Variants in NRP2 observed in about 807,000 individuals in gnomAD.
NRP2 encodes the protein neuropilin-2.
A neutral mutation model predicts 110.4 loss-of-function variants in NRP2; 52 were observed. The observed-to-expected ratio is 0.47, with a 90% CI of 0.38 to 0.59. The LOEUF is 0.59. Among genes scored for constraint, NRP2 ranks in the 20% least tolerant of loss-of-function variants. The pLI is 0.00. For synonymous variants in NRP2, 508 were observed against 468.9 expected (o/e 1.08, Z -1.08); for missense variants, 1,049 against 1,203.0 (o/e 0.87, Z 1.89).
intron 16 of NRP2, among the ~76,000 whole-genome samples, chr2:205,792,796 T>C (rs1484913366): frequency 6.6e-6 from 1 of 152,164 alleles, no homozygotes; most frequent in Admixed American, 6.5e-5. Context: ...ATCTTTATAT[T>C]TATTCCAAGT....
At position 205,765,509 on chromosome 2, in the gene NRP2, C is replaced by A. The variant is rs758235220; in HGVS notation, c.2343C>A (p.Ser781=). The change falls in exon 14 of 17, where the codon TCC becomes TCA. Residue 781 remains serine (S), a synonymous_variant. Coordinates refer to ENST00000357785, the MANE Select transcript of NRP2 (RefSeq NM_003872.3). ...VFEGVIGKGR[S]GEIAIDDIRI... ...AGGGAGTGATAGGGAAAGGACGTTC[C>A]GGAGAGATTGCCATTGATGACATTC... 4 of 1,613,904 alleles carry A rather than the reference C, an allele frequency of 2.5e-6. No homozygotes were observed. The East Asian group carries it at 8.9e-5, about 36-fold the overall frequency.
In NRP2 at chr2:205,777,164, C is replaced by A. The variant is rs185602153; in HGVS notation, c.2425+10361C>A. 8.6e-5 allele frequency: 85 copies of A among 986,414 alleles called. 2 individuals are homozygous for A. The Admixed American group carries it at 5.1e-3, about 59-fold the overall frequency. The allele number at this position is 986,414 out of a possible 1,614,324, so 61.1% of individuals were successfully genotyped here. On this transcript the variant is annotated intron_variant, in intron 15 of 16. Transcript: ENST00000357785. ...TTTTTGTTGCCTTATCTAGCTCTGG[C>A]TGGGTTTCTGTTGGCTGTCATTGTC...
intron 15 of NRP2, among the ~76,000 whole-genome samples, chr2:205,784,651 G>C (rs1575680026): frequency 6.6e-6 from 1 of 152,176 alleles, no homozygotes; most frequent in Non-Finnish European, 1.5e-5. Context: ...GATGTGGCTA[G>C]GGTCTCCACC....
chr2:205,703,612 G>A (rs1209772809), intron 2 of NRP2, among the ~76,000 whole-genome samples: 2 of 152,176 alleles, frequency 1.3e-5, no homozygotes, highest in Admixed American at 1.3e-4. Flanking sequence ...CCTGTTACGT[G>A]GGCCCACAGC....
At chr2:205,776,576 T>C in intron 15 of NRP2, 1 of 1,599,818 alleles carries the variant, frequency 6.3e-7, no homozygotes, top group Non-Finnish European at 8.5e-7. Context: ...ACTGCAAACA[T>C]GTTGCCTCGA....
At chr2:205,719,799 G>T (rs2056974960) in intron 3 of NRP2, among the ~76,000 whole-genome samples, 1 of 151,924 alleles carries the variant, frequency 6.6e-6, no homozygotes, top group African/African-American at 2.4e-5. Context: ...TCTTCTACTT[G>T]CAGAGTTATT....
chr2:205,785,151 G>A (rs1311938099), intron 15 of NRP2, among the ~76,000 whole-genome samples: 2 of 152,146 alleles, frequency 1.3e-5, no homozygotes, highest in Non-Finnish European at 2.9e-5. Flanking sequence ...AATAAAAGGG[G>A]CTATCTTTCA....
At chr2:205,696,868 C>T (rs370304372) in intron 1 of NRP2, among the ~76,000 whole-genome samples, 10 of 151,994 alleles carry the variant, frequency 6.6e-5, no homozygotes, top group East Asian at 1.9e-4. Context: ...TTTTTCCATT[C>T]GGTGTATAAT....
At chr2:205,743,093 GAC>G (rs2057471607) in intron 8 of NRP2, 108 bp from the exon 9 acceptor site, 1 of 1,592,654 alleles carries the variant, frequency 6.3e-7, no homozygotes. Context: ...AATTAGTGCT[GAC>G]TTAGTATTTG....
At chr2:205,684,831 C>A (rs1381508075) in intron 1 of NRP2, among the ~76,000 whole-genome samples, 1 of 152,218 alleles carries the variant, frequency 6.6e-6, no homozygotes, top group Non-Finnish European at 1.5e-5. Context: ...CTGGATGCTG[C>A]GTAAATTATG....
chr2:205,747,465 A>C (rs1017279365), intron 10 of NRP2, among the ~76,000 whole-genome samples: 5 of 152,210 alleles, frequency 3.3e-5, no homozygotes, highest in Non-Finnish European at 5.9e-5. Flanking sequence ...CACCCAGCAA[A>C]CCTGTTATGA....
At chr2:205,756,560 T>C (rs917257221) in intron 12 of NRP2, 2 of 152,190 alleles carry the variant, frequency 1.3e-5, no homozygotes, top group African/African-American at 2.4e-5. Context: ...CCAGCCACAT[T>C]CCAAGGGCAC....
intron 8 of NRP2, among the ~76,000 whole-genome samples, chr2:205,741,364 A>T (rs1187328692): frequency 2.6e-5 from 4 of 152,308 alleles, no homozygotes; most frequent in South Asian, 2.1e-4. Flanking sequence ...AACAGACATT[A>T]CCTGGTGAAG....
intron 7 of NRP2, 44 bp from the exon 8 acceptor site, chr2:205,740,475 C>T (rs2057419799): frequency 1.2e-6 from 2 of 1,612,526 alleles, no homozygotes; most frequent in Non-Finnish European, 1.7e-6. Flanking sequence ...GGCTGAACTA[C>T]AAACAGGGGT....
At chr2:205,794,099 A>T (rs2058329427) in intron 16 of NRP2, among the ~76,000 whole-genome samples, 3 of 152,100 alleles carry the variant, frequency 2.0e-5, no homozygotes, top group African/African-American at 7.2e-5. Context: ...AATGTAAGTC[A>T]AATTATTTAT....
At chr2:205,745,296 C>T (rs768378022) in intron 9 of NRP2, among the ~76,000 whole-genome samples, 3 of 152,184 alleles carry the variant, frequency 2.0e-5, no homozygotes, top group Admixed American at 6.5e-5. Flanking sequence ...AACTATCAGT[C>T]AGCTTGGGTT....
chr2:205,787,903 A>C (rs890302770), intron 15 of NRP2, among the ~76,000 whole-genome samples: 1 of 152,158 alleles, frequency 6.6e-6, no homozygotes. Context: ...GTGGTCTTAC[A>C]CTACCAGGCA....
At chr2:205,720,735 C>A (rs1263372757) in intron 3 of NRP2, among the ~76,000 whole-genome samples, 2 of 152,196 alleles carry the variant, frequency 1.3e-5, no homozygotes, top group Non-Finnish European at 2.9e-5. Context: ...TGCCTCATCC[C>A]GGGCCATTGA....
At chr2:205,789,001 C>T (rs1231912318) in intron 15 of NRP2, among the ~76,000 whole-genome samples, 2 of 152,126 alleles carry the variant, frequency 1.3e-5, no homozygotes, top group African/African-American at 4.8e-5. Flanking sequence ...GCATGAAACC[C>T]CAAATTTCAG....
Sources: gnomAD v4.1 joint callset for allele counts (sites outside exome capture counted in the v4.1 genomes callset) on GRCh38, gnomAD v4.1.1 for gene constraint, MANE v1.5 for transcripts, NCBI Gene and HGNC (gene_info 2026-07-23, HGNC 2026-07-21) for gene names.